Variants in RBFOX1 observed in about 807,000 individuals in gnomAD.
The protein encoded by RBFOX1 is RNA binding fox-1 homolog 1.
A neutral mutation model predicts 57.7 loss-of-function variants in RBFOX1; 8 were observed. The observed-to-expected ratio is 0.14, with a 90% CI of 0.08 to 0.25. The LOEUF (loss-of-function observed/expected upper bound fraction) is 0.25. RBFOX1 is among the 10% of genes least tolerant of loss of function. RBFOX1 has a pLI of 1.00. For synonymous variants in RBFOX1, 326 were observed against 222.4 expected (o/e 1.47, Z -4.15); for missense variants, 611 against 548.5 (o/e 1.11, Z -1.14).
At chr16:5,902,473 A>G (rs1343577505) in intron 4 of RBFOX1, among the ~76,000 whole-genome samples, 1 of 151,978 alleles carries the variant, frequency 6.6e-6, no homozygotes, top group African/African-American at 2.4e-5. Context: ...GAGCGTAGTG[A>G]TGCCATCTTG....
intron 1 of RBFOX1, among the ~76,000 whole-genome samples, chr16:5,457,163 G>T (rs1363232911): frequency 6.6e-6 from 1 of 152,106 alleles, no homozygotes; most frequent in Non-Finnish European, 1.5e-5. Flanking sequence ...TTGAGACAGA[G>T]TCTTGTTCTG....
chr16:6,536,654 T>C (rs1046354590), intron 2 of RBFOX1, among the ~76,000 whole-genome samples: 10 of 152,128 alleles, frequency 6.6e-5, no homozygotes, highest in Non-Finnish European at 1.3e-4. Flanking sequence ...CTAGTATGGC[T>C]TGTGAGGGTT....
chr16:7,311,924 T>G (rs986742283), intron 4 of RBFOX1, among the ~76,000 whole-genome samples: 9 of 152,352 alleles, frequency 5.9e-5, no homozygotes, highest in Admixed American at 4.6e-4. Flanking sequence ...TTGAGCAAGA[T>G]AGTTTTTTTT....
At chr16:7,132,109 A>C (rs2070622618) in intron 4 of RBFOX1, among the ~76,000 whole-genome samples, 1 of 150,152 alleles carries the variant, frequency 6.7e-6, no homozygotes, top group Non-Finnish European at 1.5e-5. Flanking sequence ...CTCCTGACTC[A>C]GGCTGGAATT....
chr16:6,907,234 G>A (rs1034760402), intron 3 of RBFOX1, among the ~76,000 whole-genome samples: 5 of 152,110 alleles, frequency 3.3e-5, no homozygotes, highest in South Asian at 4.1e-4. Context: ...CCTACAGTGC[G>A]CAGGATGGCC....
intron 1 of RBFOX1, among the ~76,000 whole-genome samples, chr16:6,293,846 T>G (rs1460750424): frequency 9.4e-6 from 1 of 106,856 alleles, no homozygotes; most frequent in Non-Finnish European, 2.1e-5. Context: ...TCTCTTCATA[T>G]GCCAATGTTC....
chr16:7,426,665 C>G (rs537604982), intron 4 of RBFOX1, among the ~76,000 whole-genome samples: 5 of 152,138 alleles, frequency 3.3e-5, no homozygotes, highest in Non-Finnish European at 5.9e-5. Flanking sequence ...TGGGTTGACA[C>G]AAGAAGGGGA....
Position 6,230,700 on chromosome 16 carries a change from T to C in RBFOX1, c.-126-86295T>C, listed in dbSNP as rs993818678. Among the ~76,000 whole-genome samples, 7 of 152,176 alleles carry C rather than the reference T, an allele frequency of 4.6e-5. No individual in the cohort carries two copies. The East Asian group carries it at 5.8e-4, about 13-fold the overall frequency. ...TTCAAGGGGACCTTCATTTGCCTGATTGAGCAAATATCTTATGCGGATAGC... is the reference window on the plus strand; with the variant it reads ...TTCAAGGGGACCTTCATTTGCCTGACTGAGCAAATATCTTATGCGGATAGC... On this transcript the variant is annotated intron_variant, in intron 1 of 15. Coordinates refer to ENST00000550418, the MANE Select transcript of RBFOX1 (RefSeq NM_018723.4).
At chr16:5,811,049 C>T (rs1041355284) in intron 3 of RBFOX1, among the ~76,000 whole-genome samples, 5 of 152,064 alleles carry the variant, frequency 3.3e-5, no homozygotes, top group African/African-American at 1.2e-4. Flanking sequence ...CTCCCTGCTC[C>T]CATCCTCCTC....
intron 4 of RBFOX1, among the ~76,000 whole-genome samples, chr16:7,067,808 A>G (rs1045018720): frequency 2.6e-5 from 4 of 151,168 alleles, no homozygotes; most frequent in Non-Finnish European, 5.9e-5. Context: ...TCCTTGCGAT[A>G]GTTTACTGAG....
chr16:6,316,660 C>G (rs1436913162), intron 1 of RBFOX1, among the ~76,000 whole-genome samples: 1 of 152,150 alleles, frequency 6.6e-6, no homozygotes, highest in East Asian at 1.9e-4. Flanking sequence ...AAGAGTACTT[C>G]CAAGCTTGGT....
chr16:7,667,485 G>C (rs2069743165), intron 13 of RBFOX1, among the ~76,000 whole-genome samples: 1 of 152,118 alleles, frequency 6.6e-6, no homozygotes, highest in Non-Finnish European at 1.5e-5. Flanking sequence ...ATATCCCCAA[G>C]CTTCGTTTTT....
At position 7,137,827 on chromosome 16, in the gene RBFOX1, A is replaced by G. The variant is rs539428798; in HGVS notation, c.27+85729A>G. On this transcript the variant is annotated intron_variant, in intron 4 of 15. Coordinates refer to ENST00000550418, the MANE Select transcript of RBFOX1 (RefSeq NM_018723.4). ...AAGGTTGTAGTTCATCTGCAAATGT[A>G]TGTGCACAGGCTCACTACATGTTTT... Among the ~76,000 whole-genome samples the G allele has an allele frequency of 5.3e-5, 8 of 152,318 alleles. No homozygotes were observed. In the East Asian group the frequency reaches 1.2e-3, roughly 22 times the overall value.
At chr16:6,142,890 G>C (rs947584398) in intron 1 of RBFOX1, among the ~76,000 whole-genome samples, 1 of 152,118 alleles carries the variant, frequency 6.6e-6, no homozygotes, top group East Asian at 1.9e-4. Flanking sequence ...AAATTCCCCT[G>C]ATGTTCTCTG....
intron 4 of RBFOX1, among the ~76,000 whole-genome samples, chr16:7,512,591 C>A (rs1379272891): frequency 6.6e-6 from 1 of 152,178 alleles, no homozygotes; most frequent in East Asian, 1.9e-4. Flanking sequence ...GTCCCATGTT[C>A]CTGGATGCTA....
chr16:7,703,968 A>C (rs1860321), intron 14 of RBFOX1, among the ~76,000 whole-genome samples: 127,555 of 152,186 alleles, frequency 0.84, 54,093 homozygotes, highest in East Asian at 0.92. Flanking sequence ...AATACAATCT[A>C]AGAAGCCATG....
At chr16:6,303,109 T>A (rs2079016913) in intron 1 of RBFOX1, among the ~76,000 whole-genome samples, 1 of 152,180 alleles carries the variant, frequency 6.6e-6, no homozygotes, top group Admixed American at 6.5e-5. Flanking sequence ...TGAGATTACT[T>A]TCTTGAGATG....
intron 7 of RBFOX1, among the ~76,000 whole-genome samples, 191 bp downstream of exon 7, chr16:7,587,491 G>A (rs1454337213): frequency 6.6e-6 from 1 of 152,092 alleles, no homozygotes; most frequent in Non-Finnish European, 1.5e-5. Flanking sequence ...TGTATAAGGG[G>A]ATAATTTTAA....
At chr16:7,001,386 GTGTATGTGTATT>G (rs1223017084) in intron 3 of RBFOX1, among the ~76,000 whole-genome samples, 2 of 121,470 alleles carry the variant, frequency 1.6e-5, no homozygotes, top group African/African-American at 8.7e-5. Context: ...GTATGTGTAT[GTGTATGTGTATT>G]TGTATATGTA....
Sources: allele counts gnomAD v4.1 joint callset (sites outside exome capture counted in the v4.1 genomes callset), GRCh38; gene constraint gnomAD v4.1.1; transcripts MANE v1.5; gene names NCBI Gene and HGNC (gene_info 2026-07-23, HGNC 2026-07-21).